The following RNLS variants were observed in gnomAD, a reference collection of about 807,000 sequenced individuals.
RNLS encodes renalase.
In RNLS, 39 loss-of-function variants were observed where a neutral mutation model predicts 39.8. The ratio of observed to expected loss-of-function variants is 0.98; its 90% CI spans 0.76 to 1.28. The LOEUF is 1.28. RNLS is among the 50% of genes most tolerant of loss of function. The probability of loss-of-function intolerance (pLI) is 0.00; values close to 1 mark genes in which losing one functional copy is unlikely to be tolerated. For missense variants in RNLS, 410 were observed against 413.3 expected, an observed-to-expected ratio of 0.99 and a Z score of 0.07; for synonymous variants, 147 against 150.7, an observed-to-expected ratio of 0.98 and a Z score of 0.18.
Position 88,284,786 on chromosome 10 carries a change from A to T in RNLS, c.*568T>A. On this transcript the variant is annotated 3_prime_UTR_variant, in exon 7 of 7. Coordinates refer to ENST00000331772, the MANE Select transcript of RNLS (RefSeq NM_001031709.3). ...CTGAAGGAAGGTCTCTTTATCAGTCAAGTTGCCCTCCACACTAAGATGATG... is the reference window on the plus strand; with the variant it reads ...CTGAAGGAAGGTCTCTTTATCAGTCTAGTTGCCCTCCACACTAAGATGATG... The T allele has an allele frequency of 1.0e-6, 1 of 985,384 alleles. No homozygotes were observed. The highest frequency in any genetic ancestry group is 1.1e-4 in the East Asian group (1 of 8,816). The allele number at this position is 985,384 out of a possible 1,614,324, so 61.0% of individuals were successfully genotyped here.
intron 4 of RNLS, among the ~76,000 whole-genome samples, chr10:88,411,037 G>A (rs1853625650): frequency 6.6e-6 from 1 of 152,072 alleles, no homozygotes. Context: ...TCTCAAAGGA[G>A]GCTAAATTCT....
At chr10:88,534,467 T>C (rs1440443875) in intron 4 of RNLS, among the ~76,000 whole-genome samples, 2 of 152,150 alleles carry the variant, frequency 1.3e-5, no homozygotes, top group African/African-American at 4.8e-5. Flanking sequence ...TATTCTTCAA[T>C]AAATAAAGAT....
At chr10:88,570,792 C>T (rs1416104604) in intron 4 of RNLS, among the ~76,000 whole-genome samples, 2 of 151,998 alleles carry the variant, frequency 1.3e-5, no homozygotes, top group Non-Finnish European at 2.9e-5. Context: ...TCTTGTTCCA[C>T]GGGGTTGGGG....
chr10:88,279,999 C>G (rs532082735), downstream of RNLS, among the ~76,000 whole-genome samples: 1 of 152,224 alleles, frequency 6.6e-6, no homozygotes, highest in African/African-American at 2.4e-5. Context: ...TGTCTATCCA[C>G]TAACTCTCCT....
At chr10:88,226,930 T>TGAA in the RNLS span, among the ~76,000 whole-genome samples, 1 of 152,184 alleles carries the variant, frequency 6.6e-6, no homozygotes, top group Admixed American at 6.5e-5. Flanking sequence ...TCTGTTCACC[T>TGAA]GAAGCTTTCT....
intron 4 of RNLS, among the ~76,000 whole-genome samples, chr10:88,525,906 C>T (rs994595170): frequency 6.6e-6 from 1 of 151,884 alleles, no homozygotes; most frequent in African/African-American, 2.4e-5. Flanking sequence ...GAATTAGCTG[C>T]CCAGGTCTCC....
At chr10:88,268,194 A>G in the RNLS span, among the ~76,000 whole-genome samples, 1 of 152,122 alleles carries the variant, frequency 6.6e-6, no homozygotes, top group African/African-American at 2.4e-5. Flanking sequence ...AGGCTTCTCA[A>G]TGGTGGCGCT....
intron 4 of RNLS, among the ~76,000 whole-genome samples, chr10:88,512,911 C>T (rs1333340690): frequency 6.6e-6 from 1 of 152,136 alleles, no homozygotes. Flanking sequence ...TTAAGCTTCT[C>T]AGAACCTCTC....
chr10:88,579,035 G>C (rs1850371928), intron 3 of RNLS, among the ~76,000 whole-genome samples: 1 of 152,188 alleles, frequency 6.6e-6, no homozygotes, highest in South Asian at 2.1e-4. Context: ...ATGAGAAAAA[G>C]CATACAAATT....
intron 4 of RNLS, among the ~76,000 whole-genome samples, chr10:88,410,401 T>TA (rs1853581741): frequency 6.6e-6 from 1 of 152,104 alleles, no homozygotes. Flanking sequence ...CATACCAGTA[T>TA]AAAAGCCCCA....
intron 5 of RNLS, among the ~76,000 whole-genome samples, chr10:88,355,357 G>T (rs1260984124): frequency 3.3e-5 from 5 of 152,096 alleles, no homozygotes; most frequent in Non-Finnish European, 5.9e-5. Flanking sequence ...ATCTACCTTT[G>T]GTCTTTGATG....
At chr10:88,505,011 T>C (rs1845712241) in intron 4 of RNLS, among the ~76,000 whole-genome samples, 1 of 151,960 alleles carries the variant, frequency 6.6e-6, no homozygotes, top group African/African-American at 2.4e-5. Context: ...CATGATCTCA[T>C]CACTTCTTAA....
At chr10:88,343,865 A>G in intron 5 of RNLS, 1 of 969,000 alleles carries the variant, frequency 1.0e-6, no homozygotes, top group Non-Finnish European at 1.2e-6. Context: ...ACGTCCCTGG[A>G]GCAGAGGATT....
At chr10:88,411,297 T>C (rs368438417) in intron 4 of RNLS, among the ~76,000 whole-genome samples, 12 of 152,182 alleles carry the variant, frequency 7.9e-5, no homozygotes, top group South Asian at 2.1e-4. Flanking sequence ...TATTGCTCCA[T>C]GTTCTAGAAC....
intron 4 of RNLS, among the ~76,000 whole-genome samples, chr10:88,501,078 T>C (rs185332589): frequency 6.6e-5 from 10 of 152,046 alleles, no homozygotes; most frequent in African/African-American, 2.4e-4. Flanking sequence ...TCATAAGTGC[T>C]TAATATAAGT....
At chr10:88,443,489 C>A (rs1589801379) in intron 4 of RNLS, among the ~76,000 whole-genome samples, 2 of 152,278 alleles carry the variant, frequency 1.3e-5, no homozygotes, top group African/African-American at 2.4e-5. Flanking sequence ...GTGCAGCACA[C>A]CGAGCGTGAG....
intron 4 of RNLS, among the ~76,000 whole-genome samples, chr10:88,496,310 T>A (rs1845171429): frequency 6.6e-6 from 1 of 152,144 alleles, no homozygotes; most frequent in Non-Finnish European, 1.5e-5. Flanking sequence ...GGGATTATAT[T>A]ATGAGAAAAG....
intron 5 of RNLS, among the ~76,000 whole-genome samples, chr10:88,355,313 T>A (rs551782395): frequency 1.3e-3 from 202 of 152,346 alleles, no homozygotes; most frequent in African/African-American, 4.6e-3. Flanking sequence ...TTTTCAGTTT[T>A]TCTGTTCTGT....
At chr10:88,289,703 G>A (rs112505448) in intron 6 of RNLS, among the ~76,000 whole-genome samples, 3,288 of 152,168 alleles carry the variant, frequency 0.022, 47 homozygotes, top group Non-Finnish European at 0.032. Context: ...TGCAATAAAT[G>A]TTTATTGTGT....
Sources: allele counts gnomAD v4.1 joint callset (sites outside exome capture counted in the v4.1 genomes callset), GRCh38; gene constraint gnomAD v4.1.1; transcripts MANE v1.5; gene names NCBI Gene and HGNC (gene_info 2026-07-23, HGNC 2026-07-21).